C1QA: variants seen among roughly 807,000 people sequenced by gnomAD.
C1QA encodes complement C1q subcomponent subunit A.
In C1QA, 3 loss-of-function variants were observed where a neutral mutation model predicts 6.9. The ratio of observed to expected loss-of-function variants is 0.44; its 90% CI spans 0.20 to 1.12. The LOEUF (loss-of-function observed/expected upper bound fraction) is 1.12, where lower values mean the gene tolerates loss of function less well. Ranked by LOEUF, C1QA falls within the 50% of genes most tolerant of loss-of-function variation. C1QA has a pLI of 0.27. For synonymous variants in C1QA, 128 were observed against 134.1 expected (o/e 0.95, Z 0.31); for missense variants, 273 against 326.6 (o/e 0.84, Z 1.26).
rs747014212 is a variant in C1QA, at chr1:22,637,805, C to A, written c.163+26C>A. ...GTAAGCACCCTTCCTCGGGACCCAG[C>A]CCCTTGGACCTTGGCCTGACTTGGC... On this transcript the variant is annotated intron_variant, in intron 2 of 2. Transcript: ENST00000374642. This position sits in a 1 kb window ranked among gnomAD's most constrained non-coding sequence, Gnocchi z 4.4. 1.2e-5 allele frequency: 18 copies of A among 1,543,774 alleles called. No individual in the cohort carries two copies. The highest frequency in any genetic ancestry group is 5.5e-5 in the African/African-American group (4 of 73,294).
rs1169501787 is a variant in C1QA at position 22,639,137 on chromosome 1, C to T, written c.468C>T (p.Pro156=). The change falls in exon 3 of 3, where the codon CCC becomes CCT. Residue 156 remains proline (P), a synonymous_variant. Transcript: ENST00000374642. This position sits in a 1 kb window ranked among gnomAD's most constrained non-coding sequence, Gnocchi z 4.6. ...CCGGCCGATTCGTCTGCACTGTACCCGGCTACTACTACTTCACCTTCCAGG... is the reference window on the plus strand; with the variant it reads ...CCGGCCGATTCGTCTGCACTGTACCTGGCTACTACTACTTCACCTTCCAGG... ...NHSGRFVCTV[P]GYYYFTFQVL... is the part of the protein sequence containing the mutation. 1.9e-6 allele frequency: 3 copies of T among 1,614,250 alleles called. No homozygotes were observed. Among genetic ancestry groups the T allele is most frequent in the Admixed American group, 3.3e-5 (2 of 60,038 alleles).
At position 22,637,505 on chromosome 1, in the gene C1QA, C is replaced by A; in HGVS notation, c.-7-105C>A. On this transcript the variant is annotated intron_variant, in intron 1 of 2. Transcript: ENST00000374642. This position sits in a 1 kb window ranked among gnomAD's most constrained non-coding sequence, Gnocchi z 4.4. ...GAGAGCCCCAGAGGGTGCATGTGCA[C>A]TTGGGGAGGACTGTGCATATATCAT... 1 of 1,404,858 alleles carries A rather than the reference C, an allele frequency of 7.1e-7. No individual in the cohort carries two copies. The highest frequency in any genetic ancestry group is 9.9e-7 in the Non-Finnish European group (1 of 1,013,952). The allele number at this position is 1,404,858 out of a possible 1,614,324, so 87.0% of individuals were successfully genotyped here.
rs1642192923 is a variant in C1QA at position 22,637,140 on chromosome 1, G to A, written c.-8+438G>A. On this transcript the variant is annotated intron_variant, in intron 1 of 2. Coordinates refer to ENST00000374642, the MANE Select transcript of C1QA (RefSeq NM_015991.4). The surrounding 1 kb of genome is among the most constrained non-coding windows in gnomAD (Gnocchi z 4.4). Reference sequence around the variant, plus strand: ...TTTGGGCGTTTGTGAATTCCTGTGTGTATGCAGAGCTCCACCATCTGGGTG... The same window carrying A: ...TTTGGGCGTTTGTGAATTCCTGTGTATATGCAGAGCTCCACCATCTGGGTG... Among the ~76,000 whole-genome samples, 3 of 152,328 alleles carry A rather than the reference G, an allele frequency of 2.0e-5. No homozygotes were observed. In the South Asian group the frequency reaches 6.2e-4, roughly 32 times the overall value.
chr1:22,636,917 T>C (rs1276930709), intron 1 of C1QA: 1 of 152,726 alleles, frequency 6.5e-6, no homozygotes, highest in Non-Finnish European at 1.5e-5. Context: ...TGAGAGGCGA[T>C]GAGTTAGACC....
At position 22,639,187 on chromosome 1, in the gene C1QA, T is replaced by C; in HGVS notation, c.518T>C (p.Leu173Pro). The stretch of plus-strand genomic sequence containing the variant: ...GTGCTGTCCCAGTGGGAAATCTGCC[T>C]GTCCATCGTCTCCTCCTCAAGGGGC... The part of the protein sequence containing the change: ...FQVLSQWEIC[L>P]SIVSSSRGQV... The change falls in exon 3 of 3, where the codon CTG becomes CCG. Residue 173 changes from leucine to proline, a missense_variant. By Grantham distance (98) the Leu-to-Pro change is moderately conservative. Coordinates refer to ENST00000374642, the MANE Select transcript of C1QA (RefSeq NM_015991.4). The surrounding 1 kb of genome is among the most constrained non-coding windows in gnomAD (Gnocchi z 4.6). 1 of 1,614,244 alleles carries C rather than the reference T, an allele frequency of 6.2e-7. No individual in the cohort carries two copies. The highest frequency in any genetic ancestry group is 8.5e-7 in the Non-Finnish European group (1 of 1,180,034).
In C1QA at chr1:22,639,075, GTCA is replaced by G; in HGVS notation, c.410_412del (p.Ile137del). ...GGGCAACGTGGTCATCTTCGACACG[GTCA>G]TCACCAACCAGGAAGAACCGTACCA... On this transcript the variant is annotated inframe_deletion, in exon 3 of 3. Coordinates refer to ENST00000374642, the MANE Select transcript of C1QA (RefSeq NM_015991.4). This position sits in a 1 kb window ranked among gnomAD's most constrained non-coding sequence, Gnocchi z 4.6. 6.2e-7 allele frequency: 1 copy of G among 1,614,250 alleles called. No individual in the cohort carries two copies. The highest frequency in any genetic ancestry group is 8.5e-7 in the Non-Finnish European group (1 of 1,180,046).
Position 22,638,837 on chromosome 1 carries a change from C to T in C1QA, c.168C>T (p.Ala56=). 1 of 1,580,056 alleles carries T rather than the reference C, an allele frequency of 6.3e-7. No homozygotes were observed. Among genetic ancestry groups the T allele is most frequent in the Non-Finnish European group, 8.6e-7 (1 of 1,163,596 alleles). Residue 56 remains alanine (A), a synonymous_variant, in exon 3 of 3, where the codon GCC becomes GCT. Transcript: ENST00000374642. ...ATCTGGCATTTCTCCCCACAGGGGC[C>T]CCTGGCATCCGGACAGGCATCCAAG... ...GLKGEQGEPG[A]PGIRTGIQGL...
intron 1 of C1QA, 28 bp downstream of exon 1, chr1:22,636,730 G>C (rs1241891780): frequency 6.6e-6 from 1 of 152,460 alleles, no homozygotes; most frequent in Non-Finnish European, 1.5e-5. Flanking sequence ...GAGGGAGGGG[G>C]CTGCAGAGTT....
chr1:22,639,378 A>G lies in C1QA; in HGVS notation c.709A>G (p.Ser237Gly). The G allele has an allele frequency of 6.2e-7, 1 of 1,613,896 alleles. No homozygotes were observed. The highest frequency in any genetic ancestry group is 8.5e-7 in the Non-Finnish European group (1 of 1,180,030). ...YQGSEADSVF[S>G]GFLIFPSA The stretch of plus-strand genomic sequence containing the variant: ...GGGCTCTGAGGCCGACAGCGTCTTC[A>G]GCGGCTTCCTCATCTTCCCATCTGC... The change falls in exon 3 of 3, where the codon AGC (serine) becomes GGC (glycine). Residue 237 changes from serine (S) to glycine (G), a missense_variant. Ser to Gly is a moderately conservative substitution (Grantham distance 56). Transcript: ENST00000374642. This position sits in a 1 kb window ranked among gnomAD's most constrained non-coding sequence, Gnocchi z 4.6.
Position 22,639,218 on chromosome 1 carries a change from C to G in C1QA, c.549C>G (p.Val183=). The change falls in exon 3 of 3, where the codon GTC becomes GTG. Residue 183 remains valine (V), a synonymous_variant. Transcript: ENST00000374642. The surrounding 1 kb of genome is among the most constrained non-coding windows in gnomAD (Gnocchi z 4.6). ...LSIVSSSRGQ[V]RRSLGFCDTT... ...TCGTCTCCTCCTCAAGGGGCCAGGT[C>G]CGACGCTCCCTGGGCTTCTGTGACA... 1 of 1,614,232 alleles carries G rather than the reference C, an allele frequency of 6.2e-7. No homozygotes were observed. The highest frequency in any genetic ancestry group is 8.5e-7 in the Non-Finnish European group (1 of 1,180,042).
rs1346895142 is a variant in C1QA at position 22,638,949 on chromosome 1, C to T, written c.280C>T (p.Arg94Cys). 2 of 1,604,484 alleles carry T rather than the reference C, an allele frequency of 1.2e-6. No individual in the cohort carries two copies. The highest frequency in any genetic ancestry group is 1.1e-5 in the South Asian group (1 of 89,728). The change falls in exon 3 of 3, where the codon CGT becomes TGT. Residue 94 changes from arginine to cysteine, a missense_variant. Transcript: ENST00000374642. ...AGGGCCCAGCGGCCCCCTCGGAGCCCGTGGCATCCCGGGAATTAAAGGCAC... is the reference window on the plus strand; with the variant it reads ...AGGGCCCAGCGGCCCCCTCGGAGCCTGTGGCATCCCGGGAATTAAAGGCAC... The part of the protein sequence containing the change: ...YPGPSGPLGA[R>C]GIPGIKGTKG...
Position 22,639,041 on chromosome 1 carries a change from C to CCAA in C1QA, c.373_374insAAC (p.Pro124_Pro125insGln). On this transcript the variant is annotated inframe_insertion, in exon 3 of 3. Transcript: ENST00000374642. This position sits in a 1 kb window ranked among gnomAD's most constrained non-coding sequence, Gnocchi z 4.6. ...CCTTCTCCGCCATTCGGCGGAACCC[C>CCAA]CCAATGGGGGGCAACGTGGTCATCT... The CCAA allele has an allele frequency of 6.2e-7, 1 of 1,614,236 alleles. No individual in the cohort carries two copies. The highest frequency in any genetic ancestry group is 8.5e-7 in the Non-Finnish European group (1 of 1,180,040).
rs766694409 is a variant in C1QA, at chr1:22,638,975, C to A, written c.306C>A (p.Thr102=). Residue 102 remains threonine, a synonymous_variant, in exon 3 of 3, where the codon ACC becomes ACA. Coordinates refer to ENST00000374642, the MANE Select transcript of C1QA (RefSeq NM_015991.4). ...GARGIPGIKG[T]KGSPGNIKDQ... ...GTGGCATCCCGGGAATTAAAGGCAC[C>A]AAGGGCAGCCCAGGAAACATCAAGG... 1 of 1,611,210 alleles carries A rather than the reference C, an allele frequency of 6.2e-7. No homozygotes were observed. The highest frequency in any genetic ancestry group is 1.1e-5 in the South Asian group (1 of 90,702).
In C1QA at chr1:22,639,495, G is replaced by A. The variant is rs953716925; in HGVS notation, c.*88G>A. The A allele has an allele frequency of 5.0e-5, 75 of 1,497,478 alleles. No homozygotes were observed. Among genetic ancestry groups the A allele is most frequent in the Non-Finnish European group, 6.5e-5 (72 of 1,100,756 alleles). The allele number at this position is 1,497,478 out of a possible 1,614,324, so 92.8% of individuals were successfully genotyped here. ...GGGCGCTATTGCTTCAGCTGCTGAA[G>A]GGAGGGGGCTGGCTCTGAGAGCCCC... On this transcript the variant is annotated 3_prime_UTR_variant, in exon 3 of 3. Coordinates refer to ENST00000374642, the MANE Select transcript of C1QA (RefSeq NM_015991.4). This position sits in a 1 kb window ranked among gnomAD's most constrained non-coding sequence, Gnocchi z 4.6.
intron 2 of C1QA, among the ~76,000 whole-genome samples, chr1:22,638,303 C>G (rs75353031): frequency 6.6e-6 from 1 of 152,122 alleles, no homozygotes; most frequent in South Asian, 2.1e-4. Flanking sequence ...CCTGCTTCCC[C>G]CTCCCCAGCC....
In C1QA at chr1:22,639,409, C is replaced by T. The variant is rs1473947916; in HGVS notation, c.*2C>T. ...TTCCTCATCTTCCCATCTGCCTGAG[C>T]CAGGGAAGGACCCCCTCCCCCACCC... On this transcript the variant is annotated 3_prime_UTR_variant, in exon 3 of 3. Coordinates refer to ENST00000374642, the MANE Select transcript of C1QA (RefSeq NM_015991.4). This position sits in a 1 kb window ranked among gnomAD's most constrained non-coding sequence, Gnocchi z 4.6. The T allele has an allele frequency of 1.2e-6, 2 of 1,612,736 alleles. No individual in the cohort carries two copies. The highest frequency in any genetic ancestry group is 1.7e-6 in the Non-Finnish European group (2 of 1,179,990).
Position 22,637,741 on chromosome 1 carries a change from G to C in C1QA, c.125G>C (p.Arg42Pro). The change falls in exon 2 of 3, where the codon CGG (arginine) becomes CCG (proline). Residue 42 changes from arginine to proline, a missense_variant. Transcript: ENST00000374642. The surrounding 1 kb of genome is among the most constrained non-coding windows in gnomAD (Gnocchi z 4.4). ...GGGGAGGCAGGAAGACCTGGCAGAC[G>C]GGGGCGGCCAGGCCTCAAGGGGGAG... The part of the protein sequence containing the change: ...KKGEAGRPGR[R>P]GRPGLKGEQG... The C allele has an allele frequency of 6.2e-7, 1 of 1,606,844 alleles. No individual in the cohort carries two copies. The highest frequency in any genetic ancestry group is 8.5e-7 in the Non-Finnish European group (1 of 1,177,182).
In C1QA at chr1:22,639,042, C is replaced by T. The variant is rs746607173; in HGVS notation, c.373C>T (p.Pro125Ser). The change falls in exon 3 of 3, where the codon CCA (proline) becomes TCA (serine). Residue 125 changes from proline (P) to serine (S), a missense_variant. Physicochemically the swap from Pro to Ser is moderately conservative, Grantham distance 74. Coordinates refer to ENST00000374642, the MANE Select transcript of C1QA (RefSeq NM_015991.4). The surrounding 1 kb of genome is among the most constrained non-coding windows in gnomAD (Gnocchi z 4.6). ...CTTCTCCGCCATTCGGCGGAACCCCCCAATGGGGGGCAACGTGGTCATCTT... is the reference window on the plus strand; with the variant it reads ...CTTCTCCGCCATTCGGCGGAACCCCTCAATGGGGGGCAACGTGGTCATCTT... Reference protein sequence around the residue: ...PAFSAIRRNPPMGGNVVIFDT... With the variant: ...PAFSAIRRNPSMGGNVVIFDT... The T allele has an allele frequency of 2.5e-6, 4 of 1,614,122 alleles. No homozygotes were observed. Among genetic ancestry groups the T allele is most frequent in the South Asian group, 1.1e-5 (1 of 91,092 alleles).
In C1QA at chr1:22,639,556, CTCGT is replaced by C; in HGVS notation, c.*151_*154del. Reference sequence around the variant, plus strand: ...GCCCCGTGACACATGCTCTAAGAAGCTCGTTTCTTAGACCTCTTCCTGGAATAAA... The same window carrying C: ...GCCCCGTGACACATGCTCTAAGAAGCTTCTTAGACCTCTTCCTGGAATAAA... On this transcript the variant is annotated 3_prime_UTR_variant, in exon 3 of 3. Transcript: ENST00000374642. This position sits in a 1 kb window ranked among gnomAD's most constrained non-coding sequence, Gnocchi z 4.6. The C allele has an allele frequency of 2.4e-6, 2 of 828,540 alleles. No individual in the cohort carries two copies. The highest frequency in any genetic ancestry group is 3.8e-6 in the Non-Finnish European group (2 of 532,178). The allele number at this position is 828,540 out of a possible 1,614,324, so 51.3% of individuals were successfully genotyped here.
Sources: gnomAD v4.1 joint callset for allele counts (sites outside exome capture counted in the v4.1 genomes callset) on GRCh38, gnomAD v4.1.1 for gene constraint, Gnocchi (gnomAD v3.1) non-coding constraint, MANE v1.5 for transcripts, NCBI Gene and HGNC (gene_info 2026-07-23, HGNC 2026-07-21) for gene names.